Variants in JPT1 observed in about 807,000 individuals in gnomAD.
JPT1 encodes androgen-regulated protein 2.
Under a neutral mutation model 17.0 loss-of-function variants are expected in JPT1, and 5 were observed. The observed-to-expected ratio is 0.29, with a 90% CI of 0.15 to 0.62. JPT1 has a LOEUF of 0.62. JPT1 is among the 20% of genes least tolerant of loss of function. The pLI is 0.85. For missense variants in JPT1, 158 were observed against 188.1 expected (o/e 0.84, Z 0.94); for synonymous variants, 71 against 73.6 (o/e 0.96, Z 0.18).
intron 1 of JPT1, chr17:75,153,668 C>T (rs746103957): frequency 6.6e-6 from 1 of 151,970 alleles, no homozygotes; most frequent in African/African-American, 2.4e-5. Context: ...GAAGGGGAGA[C>T]ACTTGGAAGA....
At chr17:75,152,400 A>T (rs1244787245) in intron 1 of JPT1, among the ~76,000 whole-genome samples, 1 of 152,206 alleles carries the variant, frequency 6.6e-6, no homozygotes, top group Non-Finnish European at 1.5e-5. Flanking sequence ...TTATGGGGCC[A>T]GGAGAACATT....
At chr17:75,136,799 G>T (rs1037802779) in intron 4 of JPT1, among the ~76,000 whole-genome samples, 2 of 152,042 alleles carry the variant, frequency 1.3e-5, no homozygotes, top group Admixed American at 6.6e-5. Context: ...CCAAGGACAT[G>T]AAGATTTTTA....
At chr17:75,138,153 G>A (rs919695892) in intron 4 of JPT1, among the ~76,000 whole-genome samples, 8 of 151,732 alleles carry the variant, frequency 5.3e-5, no homozygotes, top group African/African-American at 1.9e-4. Context: ...GTAGAGACAG[G>A]GTTTCACCAT....
chr17:75,141,429 G>GA (rs1370519984), intron 4 of JPT1: 2 of 152,338 alleles, frequency 1.3e-5, no homozygotes, highest in Non-Finnish European at 2.9e-5. Flanking sequence ...AAGGCAGGGG[G>GA]ATCACCTGAG....
intron 3 of JPT1, 52 bp downstream of exon 3, chr17:75,147,504 T>C: frequency 7.8e-7 from 1 of 1,281,710 alleles, no homozygotes; most frequent in Non-Finnish European, 1.1e-6. Flanking sequence ...AGTACAAATT[T>C]CAGAATCATA....
At chr17:75,140,937 A>G (rs1400931302) in intron 4 of JPT1, 1 of 152,222 alleles carries the variant, frequency 6.6e-6, no homozygotes, top group Non-Finnish European at 1.5e-5. Flanking sequence ...TGAAAACACA[A>G]AAATTAGCTG....
At chr17:75,150,497 C>T (rs1353153751) in intron 1 of JPT1, among the ~76,000 whole-genome samples, 1 of 152,192 alleles carries the variant, frequency 6.6e-6, no homozygotes, top group Non-Finnish European at 1.5e-5. Flanking sequence ...AGGTGATCCA[C>T]CCGCCTGGCC....
At chr17:75,137,805 G>A (rs994861789) in intron 4 of JPT1, among the ~76,000 whole-genome samples, 1 of 139,736 alleles carries the variant, frequency 7.2e-6, no homozygotes, top group Non-Finnish European at 1.5e-5. Flanking sequence ...GCACCACCAT[G>A]CCTGATTAAT....
intron 2 of JPT1, chr17:75,147,964 ACT>A (rs2074472972): frequency 3.1e-6 from 1 of 323,056 alleles, no homozygotes; most frequent in African/African-American, 2.1e-5. Flanking sequence ...GCACCACTGC[ACT>A]CTGTACTCCA....
intron 4 of JPT1, 79 bp from the exon 5 acceptor site, chr17:75,136,329 C>CTT (rs147209511): frequency 5.0e-4 from 624 of 1,256,374 alleles, no homozygotes; most frequent in South Asian, 1.4e-3. Flanking sequence ...TTCTCTTTTT[C>CTT]TTTTTTTTTT....
intron 4 of JPT1, among the ~76,000 whole-genome samples, chr17:75,143,840 A>G (rs1166114590): frequency 2.0e-5 from 3 of 149,906 alleles, no homozygotes; most frequent in South Asian, 2.1e-4. Flanking sequence ...TCCATCTCAG[A>G]AAAAAAAAAG....
At chr17:75,143,270 C>A (rs528932230) in intron 4 of JPT1, among the ~76,000 whole-genome samples, 3 of 152,286 alleles carry the variant, frequency 2.0e-5, no homozygotes, top group Non-Finnish European at 4.4e-5. Flanking sequence ...CCATAAAAAA[C>A]CAAAAGGGGC....
intron 2 of JPT1, 50 bp downstream of exon 2, chr17:75,148,479 T>C (rs749622343): frequency 1.3e-6 from 2 of 1,589,912 alleles, no homozygotes; most frequent in Non-Finnish European, 1.7e-6. Context: ...TCTGTGGCTG[T>C]TGATGCTGGG....
chr17:75,146,537 T>C lies in JPT1; in HGVS notation c.316+129A>G, dbSNP rs2074438125. The C allele has an allele frequency of 1.1e-5, 7 of 645,804 alleles. No individual in the cohort carries two copies. In the East Asian group the frequency reaches 1.4e-4, roughly 13 times the overall value. The allele number at this position is 645,804 out of a possible 1,614,324, so 40.0% of individuals were successfully genotyped here. On this transcript the variant is annotated intron_variant, in intron 4 of 4. Transcript: ENST00000409753. Reference sequence around the variant, plus strand: ...ATCGCGTTACTGGCAGATTAGAGTATGGCGGCACTTGGGGCATGGCCAGGT... The same window carrying C: ...ATCGCGTTACTGGCAGATTAGAGTACGGCGGCACTTGGGGCATGGCCAGGT...
chr17:75,139,284 G>C (rs2074265166), intron 4 of JPT1, among the ~76,000 whole-genome samples: 3 of 152,086 alleles, frequency 2.0e-5, no homozygotes, highest in Non-Finnish European at 4.4e-5. Flanking sequence ...TTCTCTCTCT[G>C]AATCCAGCAG....
At chr17:75,143,962 A>G (rs892282850) in intron 4 of JPT1, among the ~76,000 whole-genome samples, 2 of 152,302 alleles carry the variant, frequency 1.3e-5, no homozygotes, top group South Asian at 2.1e-4. Flanking sequence ...GGTTGAGGCT[A>G]TAGTGAGCAA....
intron 1 of JPT1, among the ~76,000 whole-genome samples, chr17:75,151,413 T>C (rs1274708790): frequency 6.6e-6 from 1 of 151,966 alleles, no homozygotes; most frequent in Non-Finnish European, 1.5e-5. Flanking sequence ...ATCCTAGCAC[T>C]TTGAGAAGCC....
Position 75,148,648 on chromosome 17 carries a change from C to G in JPT1, c.80G>C (p.Gly27Ala). 6.2e-7 allele frequency: 1 copy of G among 1,614,196 alleles called. No individual in the cohort carries two copies. The highest frequency in any genetic ancestry group is 8.5e-7 in the Non-Finnish European group (1 of 1,180,034). The stretch of plus-strand genomic sequence containing the variant: ...ATCAAAACCTAATGAAAAATTGGAT[C>G]CACCACCTGGAGGCCGCAAAACTCT... ...SSRVLRPPGG[G>A]SNFSLGFDEP... The change falls in exon 2 of 5, where the codon GGA (glycine) becomes GCA (alanine). Residue 27 changes from glycine (G) to alanine (A), a missense_variant. Gly to Ala is a moderately conservative substitution (Grantham distance 60, BLOSUM62 0). Transcript: ENST00000409753.
intron 4 of JPT1, among the ~76,000 whole-genome samples, chr17:75,139,062 A>G (rs1320062820): frequency 6.6e-6 from 1 of 152,218 alleles, no homozygotes; most frequent in Non-Finnish European, 1.5e-5. Flanking sequence ...AGCAAGATCA[A>G]ATGCACTGGA....
Sources: gnomAD v4.1 joint callset for allele counts (sites outside exome capture counted in the v4.1 genomes callset) on GRCh38, gnomAD v4.1.1 for gene constraint, MANE v1.5 for transcripts, NCBI Gene and HGNC (gene_info 2026-07-23, HGNC 2026-07-21) for gene names.